The following RFC3 variants were observed in gnomAD, a reference collection of about 807,000 sequenced individuals.
RFC3 encodes replication factor C subunit 3.
RFC3 carries 41 observed loss-of-function variants against 45.1 expected under a neutral mutation model. The ratio of observed to expected loss-of-function variants is 0.91; its 90% confidence interval spans 0.71 to 1.18. The LOEUF is 1.18. RFC3 is among the 50% of genes most tolerant of loss of function. RFC3 has a pLI of 0.00. For missense variants in RFC3, 423 were observed against 428.1 expected, an observed-to-expected ratio of 0.99 and a Z score of 0.10; for synonymous variants, 149 against 144.0, an observed-to-expected ratio of 1.03 and a Z score of -0.25.
At chr13:33,941,058 C>T (rs2082920963) in intron 8 of RFC3, among the ~76,000 whole-genome samples, 1 of 152,164 alleles carries the variant, frequency 6.6e-6, no homozygotes, top group Admixed American at 6.6e-5. Flanking sequence ...TTTGTCAGGG[C>T]ATGCCCACAG....
At chr13:33,841,127 T>A (rs1211542387), downstream of RFC3, among the ~76,000 whole-genome samples, 1 of 152,192 alleles carries the variant, frequency 6.6e-6, no homozygotes, top group Non-Finnish European at 1.5e-5. Flanking sequence ...GAACTGTACA[T>A]GTGAGGGATC....
intron 8 of RFC3, among the ~76,000 whole-genome samples, chr13:33,858,499 G>A (rs2082321063): frequency 6.6e-6 from 1 of 152,104 alleles, no homozygotes; most frequent in African/African-American, 2.4e-5. Flanking sequence ...CACTTCACAA[G>A]CCCAGGAGCA....
chr13:33,830,806 A>C lies in RFC3; in HGVS notation c.661A>C (p.Arg221=). Residue 221 remains arginine (R), a synonymous_variant, in exon 6 of 9, where the codon AGA becomes CGA. Transcript: ENST00000380071. The part of the protein sequence containing the change: ...LAHRLAEKSC[R]NLRKALLMCE... The stretch of plus-strand genomic sequence containing the variant: ...TCATAGACTTGCAGAGAAGTCTTGT[A>C]GAAATCTCAGAAAAGCCCTGCTTAT... The C allele has an allele frequency of 6.2e-7, 1 of 1,613,802 alleles. No individual in the cohort carries two copies. Among genetic ancestry groups the C allele is most frequent in the Non-Finnish European group, 8.5e-7 (1 of 1,179,794 alleles).
At chr13:33,953,513 A>G (rs2083003069) in intron 8 of RFC3, among the ~76,000 whole-genome samples, 1 of 152,152 alleles carries the variant, frequency 6.6e-6, no homozygotes, top group East Asian at 1.9e-4. Context: ...TGTCATAAAT[A>G]TAGTCTTAAG....
chr13:33,860,603 C>T (rs773569098), intron 8 of RFC3, among the ~76,000 whole-genome samples: 11 of 152,044 alleles, frequency 7.2e-5, no homozygotes, highest in Non-Finnish European at 1.3e-4. Flanking sequence ...CAATCGACTC[C>T]GCATGTGTCC....
intron 8 of RFC3, among the ~76,000 whole-genome samples, chr13:33,919,674 C>G (rs1470501962): frequency 1.3e-5 from 2 of 152,050 alleles, no homozygotes; most frequent in East Asian, 3.9e-4. Flanking sequence ...TATTTAATGT[C>G]TGTGTGTATG....
chr13:33,886,117 C>T (rs998432643), intron 8 of RFC3, among the ~76,000 whole-genome samples: 14 of 152,162 alleles, frequency 9.2e-5, no homozygotes, highest in South Asian at 4.2e-4. Context: ...CTTCAGAAAT[C>T]GCCTTTTGAC....
At chr13:33,970,506 A>G (rs77203568), downstream of RFC3, among the ~76,000 whole-genome samples, 1,135 of 152,338 alleles carry the variant, frequency 7.5e-3, 7 homozygotes, top group Non-Finnish European at 0.012. Context: ...TGAGGAACCA[A>G]CTGTGTGATC....
intron 8 of RFC3, among the ~76,000 whole-genome samples, chr13:33,884,037 C>G (rs1957197780): frequency 6.6e-6 from 1 of 152,156 alleles, no homozygotes; most frequent in Non-Finnish European, 1.5e-5. Context: ...GCATATGGCA[C>G]AGTCAGAAAG....
At chr13:33,871,255 C>G (rs1299817643) in intron 8 of RFC3, among the ~76,000 whole-genome samples, 6 of 152,166 alleles carry the variant, frequency 3.9e-5, no homozygotes, top group Non-Finnish European at 2.9e-5. Flanking sequence ...CACATTTATC[C>G]TCTTACTGTT....
intron 8 of RFC3, among the ~76,000 whole-genome samples, chr13:33,882,260 G>GT (rs1364681969): frequency 1.3e-5 from 2 of 152,144 alleles, no homozygotes; most frequent in African/African-American, 4.8e-5. Context: ...AATTTCACCT[G>GT]TTTTTTATGT....
chr13:33,822,324 T>A (rs1473854684), intron 2 of RFC3, among the ~76,000 whole-genome samples: 1 of 152,212 alleles, frequency 6.6e-6, no homozygotes, highest in Non-Finnish European at 1.5e-5. Flanking sequence ...ATTATCTGTT[T>A]GCCCCAGGTG....
At chr13:33,953,597 A>G (rs1189440513) in intron 8 of RFC3, among the ~76,000 whole-genome samples, 2 of 152,170 alleles carry the variant, frequency 1.3e-5, no homozygotes, top group Admixed American at 6.5e-5. Context: ...CCATTTTACA[A>G]CTTTATCCCT....
intron 1 of RFC3, among the ~76,000 whole-genome samples, chr13:33,819,928 A>ATTT (rs1377935961): frequency 1.3e-5 from 2 of 152,316 alleles, no homozygotes; most frequent in Non-Finnish European, 2.9e-5. Flanking sequence ...GACACTTGCC[A>ATTT]TTTTCCAGGC....
At chr13:33,908,607 TACACACACACACACACACAC>T (rs71074991) in intron 8 of RFC3, among the ~76,000 whole-genome samples, 4 of 142,600 alleles carry the variant, frequency 2.8e-5, no homozygotes, top group African/African-American at 1.1e-4. Context: ...ACACAGGAGA[TACACACACACACACACACAC>T]ACACACACAC....
At chr13:33,849,882 A>G (rs1478579406) in intron 8 of RFC3, 1 of 152,094 alleles carries the variant, frequency 6.6e-6, no homozygotes, top group Non-Finnish European at 1.5e-5. Context: ...GTCTCAAAAA[A>G]AAACAAACCA....
intron 8 of RFC3, among the ~76,000 whole-genome samples, chr13:33,946,527 A>G (rs2082955475): frequency 6.6e-6 from 1 of 152,212 alleles, no homozygotes; most frequent in African/African-American, 2.4e-5. Context: ...AAAATAGTAA[A>G]CCCTTTACAT....
At chr13:33,912,681 T>A (rs1474993032) in intron 8 of RFC3, among the ~76,000 whole-genome samples, 3 of 151,968 alleles carry the variant, frequency 2.0e-5, no homozygotes, top group African/African-American at 7.2e-5. Flanking sequence ...GAGAAAGGAA[T>A]TGAAAGTTAA....
intron 8 of RFC3, among the ~76,000 whole-genome samples, chr13:33,939,152 A>G (rs1040225551): frequency 2.0e-5 from 3 of 152,138 alleles, no homozygotes; most frequent in Non-Finnish European, 4.4e-5. Context: ...AAATATATGA[A>G]TATATATTTT....
Sources: gnomAD v4.1 joint callset for allele counts (sites outside exome capture counted in the v4.1 genomes callset) on GRCh38, gnomAD v4.1.1 for gene constraint, MANE v1.5 for transcripts, NCBI Gene and HGNC (gene_info 2026-07-23, HGNC 2026-07-21) for gene names.